Variants in CELF4 observed in about 807,000 individuals in gnomAD.
CELF4 encodes the protein CUGBP Elav-like family member 4.
In CELF4, 18 loss-of-function variants were observed where a neutral mutation model predicts 59.9. The observed-to-expected ratio is 0.30, with a 90% CI of 0.21 to 0.45. The LOEUF (loss-of-function observed/expected upper bound fraction) is 0.45, where lower values mean the gene tolerates loss of function less well. Among genes scored for constraint, CELF4 ranks in the 20% least tolerant of loss-of-function variants. The pLI, the probability that CELF4 is intolerant of heterozygous loss-of-function variation, is 1.00. For missense variants in CELF4, 456 were observed against 689.0 expected (o/e 0.66, Z 3.79); for synonymous variants, 261 against 267.1 (o/e 0.98, Z 0.22).
chr18:37,478,133 C>G (rs1291097196), intron 2 of CELF4, among the ~76,000 whole-genome samples: 1 of 152,152 alleles, frequency 6.6e-6, no homozygotes, highest in Non-Finnish European at 1.5e-5. Context: ...TCCCTGTTGT[C>G]TTAAGTAATG....
At chr18:37,256,200 T>C (rs1465328837) in intron 11 of CELF4, among the ~76,000 whole-genome samples, 2 of 152,202 alleles carry the variant, frequency 1.3e-5, no homozygotes, top group African/African-American at 4.8e-5. Context: ...CCAGGCCCTG[T>C]GGGAAGGCCC....
At chr18:37,528,366 G>A (rs557984125) in intron 1 of CELF4, among the ~76,000 whole-genome samples, 186 of 152,274 alleles carry the variant, frequency 1.2e-3, no homozygotes, top group African/African-American at 4.0e-3. Flanking sequence ...GGATGCTCAC[G>A]GAGATATTGA....
chr18:37,440,394 G>C lies in CELF4; in HGVS notation c.369+45131C>G, dbSNP rs148594696. 9.5e-4 allele frequency among the ~76,000 whole-genome samples: 145 copies of C among 152,290 alleles called. 1 individual carries two copies. Among genetic ancestry groups the C allele is most frequent in the Middle Eastern group, 3.4e-3 (1 of 294 alleles). On this transcript the variant is annotated intron_variant, in intron 2 of 12. Coordinates refer to ENST00000420428, the MANE Select transcript of CELF4 (RefSeq NM_020180.4). ...CACCAGGCCTTGCTGGCCATGGCTG[G>C]GTGCCCAGTTTGTCTCAGGCCCAGT...
chr18:37,272,173 G>A (rs1370398999), intron 7 of CELF4, among the ~76,000 whole-genome samples: 2 of 152,190 alleles, frequency 1.3e-5, no homozygotes, highest in Non-Finnish European at 2.9e-5. Flanking sequence ...AGCCTGGGGT[G>A]CAGGACCAGC....
intron 2 of CELF4, among the ~76,000 whole-genome samples, chr18:37,393,094 GTTAGAGAGACACAGGGACTGCGGTGT>G: frequency 6.6e-6 from 1 of 151,502 alleles, no homozygotes; most frequent in African/African-American, 2.4e-5. Context: ...ACTGCGGTGT[GTTAGAGAGACACAGGGACTGCGGTGT>G]GTTGGACACA....
At chr18:37,316,596 C>T (rs1423374159) in intron 3 of CELF4, among the ~76,000 whole-genome samples, 1 of 152,094 alleles carries the variant, frequency 6.6e-6, no homozygotes, top group Non-Finnish European at 1.5e-5. Flanking sequence ...GTTCGAGGCC[C>T]CATTTTAACT....
At chr18:37,316,105 G>A (rs1341813855) in intron 3 of CELF4, among the ~76,000 whole-genome samples, 4 of 152,112 alleles carry the variant, frequency 2.6e-5, no homozygotes, top group Admixed American at 2.6e-4. Flanking sequence ...CTGAGCATGA[G>A]CCAGCATGAG....
At chr18:37,378,734 T>C (rs537043747) in intron 2 of CELF4, among the ~76,000 whole-genome samples, 3 of 152,308 alleles carry the variant, frequency 2.0e-5, no homozygotes, top group Admixed American at 1.3e-4. Context: ...TCTGAGCTGA[T>C]TGGCTCATGT....
At chr18:37,294,363 G>A (rs1342718983) in intron 3 of CELF4, among the ~76,000 whole-genome samples, 2 of 152,154 alleles carry the variant, frequency 1.3e-5, no homozygotes, top group Non-Finnish European at 2.9e-5. Context: ...ATGTCACCAG[G>A]AACCTCCCTT....
chr18:37,378,121 T>A (rs752610275), intron 2 of CELF4, among the ~76,000 whole-genome samples: 1 of 152,150 alleles, frequency 6.6e-6, no homozygotes, highest in Admixed American at 6.5e-5. Context: ...CCCACTCACC[T>A]TGCCCACAGG....
chr18:37,361,975 G>C (rs1047744841), intron 2 of CELF4, among the ~76,000 whole-genome samples: 1 of 152,152 alleles, frequency 6.6e-6, no homozygotes, highest in Non-Finnish European at 1.5e-5. Context: ...AGGCCAAGAG[G>C]CTGCTGGAGT....
At chr18:37,470,920 G>GAGAGAGAGAGAGAGAGAGA (rs374277745) in intron 2 of CELF4, among the ~76,000 whole-genome samples, 1 of 147,358 alleles carries the variant, frequency 6.8e-6, no homozygotes, top group Non-Finnish European at 1.5e-5. Flanking sequence ...GAGAGAGAGA[G>GAGAGAGAGAGAGAGAGAGA]GTGGAGCCTC....
At chr18:37,561,977 T>C (rs967963848) in intron 1 of CELF4, among the ~76,000 whole-genome samples, 1 of 152,176 alleles carries the variant, frequency 6.6e-6, no homozygotes, top group African/African-American at 2.4e-5. Flanking sequence ...TCCTTGGGTG[T>C]TGTTTCTTTG....
chr18:37,503,516 C>T (rs565458058), intron 1 of CELF4, among the ~76,000 whole-genome samples: 1 of 152,302 alleles, frequency 6.6e-6, no homozygotes, highest in Non-Finnish European at 1.5e-5. Flanking sequence ...CTGTGCTTAG[C>T]TGTGTGCCCA....
At chr18:37,331,394 G>C (rs762892336) in intron 2 of CELF4, among the ~76,000 whole-genome samples, 1 of 152,100 alleles carries the variant, frequency 6.6e-6, no homozygotes, top group African/African-American at 2.4e-5. Flanking sequence ...TCCAGTCATC[G>C]CCTCTGGACT....
intron 3 of CELF4, among the ~76,000 whole-genome samples, chr18:37,316,419 C>A (rs2154509766): frequency 6.6e-6 from 1 of 152,250 alleles, no homozygotes; most frequent in South Asian, 2.1e-4. Flanking sequence ...CTTCTTTGGC[C>A]TTCCTTCCCT....
intron 1 of CELF4, among the ~76,000 whole-genome samples, chr18:37,525,368 G>T (rs1437316982): frequency 6.6e-6 from 1 of 152,170 alleles, no homozygotes; most frequent in Admixed American, 6.5e-5. Context: ...GTTAGAAGAG[G>T]CATGGCCACG....
At chr18:37,260,553 C>A (rs2073651349) in intron 10 of CELF4, among the ~76,000 whole-genome samples, 1 of 152,176 alleles carries the variant, frequency 6.6e-6, no homozygotes, top group African/African-American at 2.4e-5. Flanking sequence ...CTGTAAGGCA[C>A]CAACATGGGC....
At chr18:37,359,138 A>G (rs897244702) in intron 2 of CELF4, among the ~76,000 whole-genome samples, 2 of 152,162 alleles carry the variant, frequency 1.3e-5, no homozygotes, top group Non-Finnish European at 2.9e-5. Flanking sequence ...AAACCTGTCA[A>G]GTAAGTGAAA....
Sources: gnomAD v4.1 joint callset for allele counts (sites outside exome capture counted in the v4.1 genomes callset) on GRCh38, gnomAD v4.1.1 for gene constraint, MANE v1.5 for transcripts, NCBI Gene and HGNC (gene_info 2026-07-23, HGNC 2026-07-21) for gene names.